The following NHS variants were observed in gnomAD, a reference collection of about 807,000 sequenced individuals.
The protein encoded by NHS is NHS actin remodeling regulator.
NHS carries 5 observed loss-of-function variants against 72.5 expected under a neutral mutation model. That is an observed-to-expected ratio of 0.07 (90% CI 0.04 to 0.14). The LOEUF (loss-of-function observed/expected upper bound fraction) is 0.14. Ranked by LOEUF, NHS falls within the 10% of genes least tolerant of loss-of-function variation. The pLI is 1.00. For missense variants in NHS, 1,072 were observed against 1,355.7 expected (o/e 0.79, Z 3.29); for synonymous variants, 464 against 547.7 (o/e 0.85, Z 2.13).
intron 1 of NHS, among the ~76,000 whole-genome samples, chrX:17,674,316 C>T (rs921979511): frequency 8.9e-6 from 1 of 112,176 alleles, no homozygotes; most frequent in Non-Finnish European, 1.9e-5. Flanking sequence ...AAGAGAAGCA[C>T]AAAATGCCTT....
At position 17,654,654 on chromosome X, in the gene NHS, C is replaced by T. The variant is rs1257856737; in HGVS notation, c.566-33088C>T. On this transcript the variant is annotated intron_variant, in intron 1 of 8. Transcript: ENST00000676302. The stretch of plus-strand genomic sequence containing the variant: ...TGCCCACACATGCAAATCTGCCCAG[C>T]GCCTAAACATCCCTAGTTGAAAATA... Among the ~76,000 whole-genome samples the T allele has an allele frequency of 2.7e-5, 3 of 112,236 alleles. No homozygotes were observed. The East Asian group carries it at 8.3e-4, about 31-fold the overall frequency.
chrX:17,507,993 C>G (rs1422937505), intron 1 of NHS, among the ~76,000 whole-genome samples: 1 of 111,362 alleles, frequency 9.0e-6, no homozygotes, highest in East Asian at 2.8e-4. Context: ...TCATAGTAAG[C>G]CTGAGGTTGT....
chrX:17,577,328 A>T (rs1373984742), intron 1 of NHS, among the ~76,000 whole-genome samples: 3 of 112,101 alleles, frequency 2.7e-5, no homozygotes, highest in Admixed American at 1.9e-4. Context: ...TGCACAAGAA[A>T]ATAAAGGCGA....
chrX:17,502,271 A>G (rs757833212), intron 1 of NHS, among the ~76,000 whole-genome samples: 1 of 110,763 alleles, frequency 9.0e-6, no homozygotes, highest in East Asian at 2.9e-4. Context: ...CAGTTCATTG[A>G]CTCTGCCCAG....
chrX:17,378,085 T>TGTGTGTGTGTGA (rs1491390890), intron 1 of NHS, among the ~76,000 whole-genome samples: 3 of 104,469 alleles, frequency 2.9e-5, no homozygotes, highest in African/African-American at 6.8e-5. Flanking sequence ...TGTGTGTGTG[T>TGTGTGTGTGTGA]GAGACACACC....
chrX:17,536,355 AAAAAAACAAACAAAC>A (rs1457604842), intron 1 of NHS, among the ~76,000 whole-genome samples: 5 of 111,493 alleles, frequency 4.5e-5, no homozygotes, highest in Admixed American at 9.4e-5. Context: ...ACTCCGTCTC[AAAAAAACAAACAAAC>A]AAAAAACAAA....
intron 1 of NHS, among the ~76,000 whole-genome samples, chrX:17,507,345 C>T (rs921824006): frequency 1.8e-5 from 2 of 111,863 alleles, no homozygotes; most frequent in African/African-American, 6.5e-5. Context: ...TCTGTTGTAA[C>T]TTGGGTGCTC....
At position 17,723,770 on chromosome X, in the gene NHS, T is replaced by TGTGTGCGC. The variant is rs541219770; in HGVS notation, c.1109-528_1109-527insTGTGCGCG. On this transcript the variant is annotated intron_variant, in intron 5 of 8. Transcript: ENST00000676302. ...GTGTGTGTGTGTGTGTGTGTGTGTG[T>TGTGTGCGC]GCGCGCGCGTGCGCGCATGGGGAAT... 4.9e-3 allele frequency among the ~76,000 whole-genome samples: 448 copies of TGTGTGCGC among 91,251 alleles called. 2 individuals carry two copies. Among genetic ancestry groups the TGTGTGCGC allele is most frequent in the African/African-American group, 8.8e-3 (174 of 19,766 alleles). The allele number at this position is 91,251 out of a possible 115,157, so 79.2% of individuals were successfully genotyped here.
chrX:17,488,799 T>C (rs2064977664), intron 1 of NHS, among the ~76,000 whole-genome samples: 2 of 111,979 alleles, frequency 1.8e-5, no homozygotes, highest in African/African-American at 6.5e-5. Context: ...TTCTTTCTTT[T>C]TTTAAATTAT....
intron 1 of NHS, among the ~76,000 whole-genome samples, chrX:17,602,258 C>T (rs1472714224): frequency 1.8e-5 from 2 of 112,058 alleles, no homozygotes; most frequent in Admixed American, 9.4e-5. Context: ...CAAGGCATTC[C>T]TTGGTGAACT....
intron 1 of NHS, among the ~76,000 whole-genome samples, chrX:17,553,638 C>G (rs2065349140): frequency 9.0e-6 from 1 of 111,387 alleles, no homozygotes; most frequent in South Asian, 3.8e-4. Context: ...GAAAAAAAAC[C>G]AACTACAAAC....
intron 1 of NHS, among the ~76,000 whole-genome samples, chrX:17,564,929 A>G (rs1851449571): frequency 9.0e-6 from 1 of 110,979 alleles, no homozygotes; most frequent in South Asian, 3.7e-4. Context: ...ATTCCCCTCA[A>G]GATTTCTTTC....
intron 1 of NHS, among the ~76,000 whole-genome samples, chrX:17,432,105 C>T (rs1358174979): frequency 8.9e-6 from 1 of 112,552 alleles, no homozygotes; most frequent in Non-Finnish European, 1.9e-5. Flanking sequence ...AGCTACACTA[C>T]CCAGGGGGTA....
At chrX:17,504,595 C>T (rs2065048429) in intron 1 of NHS, among the ~76,000 whole-genome samples, 1 of 111,731 alleles carries the variant, frequency 9.0e-6, no homozygotes, top group South Asian at 3.8e-4. Context: ...TTTCCTTTGG[C>T]TTTCCATTTC....
At chrX:17,381,735 C>T (rs2064378852) in intron 1 of NHS, among the ~76,000 whole-genome samples, 1 of 112,389 alleles carries the variant, frequency 8.9e-6, no homozygotes, top group Admixed American at 9.4e-5. Flanking sequence ...GGAGCTATTG[C>T]GTGAACAATT....
chrX:17,426,673 C>T lies in NHS; in HGVS notation c.565+50351C>T, dbSNP rs182465040. 1.9e-4 allele frequency among the ~76,000 whole-genome samples: 21 copies of T among 112,225 alleles called. No individual in the cohort carries two copies. In the East Asian group the frequency reaches 5.0e-3, roughly 27 times the overall value. On this transcript the variant is annotated intron_variant, in intron 1 of 8. Transcript: ENST00000676302. The stretch of plus-strand genomic sequence containing the variant: ...GCTTGGGGCACATGCACATCATTCA[C>T]AGTGACCAGCTGAGCTCTCTCATTT...
intron 1 of NHS, among the ~76,000 whole-genome samples, chrX:17,672,680 C>G (rs116335412): frequency 0.011 from 1,223 of 112,457 alleles, 12 homozygotes; most frequent in African/African-American, 0.037. Flanking sequence ...GTCATTTCCT[C>G]AATGCCGCAC....
intron 1 of NHS, among the ~76,000 whole-genome samples, chrX:17,384,873 G>T (rs1601682560): frequency 8.9e-6 from 1 of 112,234 alleles, no homozygotes; most frequent in Non-Finnish European, 1.9e-5. Flanking sequence ...TGGGGCACAA[G>T]ATTTTGAGGG....
intron 1 of NHS, among the ~76,000 whole-genome samples, chrX:17,604,689 A>G (rs772240323): frequency 2.7e-5 from 3 of 112,130 alleles, no homozygotes; most frequent in Non-Finnish European, 3.8e-5. Flanking sequence ...AGCATGTAGC[A>G]TAGGTATTTG....
Sources: gnomAD v4.1 joint callset for allele counts (sites outside exome capture counted in the v4.1 genomes callset) on GRCh38, gnomAD v4.1.1 for gene constraint, MANE v1.5 for transcripts, NCBI Gene and HGNC (gene_info 2026-07-23, HGNC 2026-07-21) for gene names.